MDK: variants seen among roughly 807,000 people sequenced by gnomAD.
MDK encodes amphiregulin-associated protein.
MDK carries 17 observed loss-of-function variants against 18.9 expected under a neutral mutation model. The observed-to-expected ratio is 0.90, with a 90% CI of 0.62 to 1.35. The LOEUF (loss-of-function observed/expected upper bound fraction) is 1.35, where lower values mean the gene tolerates loss of function less well. Ranked by LOEUF, MDK falls within the 40% of genes most tolerant of loss-of-function variation. MDK has a pLI of 0.00. For synonymous variants in MDK, 86 were observed against 74.3 expected (o/e 1.16, Z -0.81); for missense variants, 180 against 186.3 (o/e 0.97, Z 0.20).
upstream of MDK, chr11:46,381,074 C>T (rs916176207): frequency 2.0e-5 from 3 of 152,320 alleles, no homozygotes; most frequent in African/African-American, 7.2e-5. Flanking sequence ...GCCTGTGCTC[C>T]CGGAAAGGCA....
chr11:46,381,714 C>T lies in MDK; in HGVS notation c.-46C>T, dbSNP rs1945174684. ...AGGGGCCGCGGCGGCCGGAGCGGGA[C>T]GGGCCCGGCGCGGGAGGGAGCGAAG... On this transcript the variant is annotated 5_prime_UTR_variant, in exon 1 of 5. In the 5' UTR this introduces an upstream ATG that the reference lacks. Transcript: ENST00000395566. 1 of 169,960 alleles carries T rather than the reference C, an allele frequency of 5.9e-6. No homozygotes were observed. Among genetic ancestry groups the T allele is most frequent in the African/African-American group, 2.4e-5 (1 of 40,872 alleles). The allele number at this position is 169,960 out of a possible 1,614,324, so 10.5% of individuals were successfully genotyped here.
Position 46,382,117 on chromosome 11 carries a change from G to A in MDK, c.60G>A (p.Ala20=). The part of the protein sequence containing the change: ...TLLALLALTS[A]VAKKKDKVKK... ...TCGCCCTGCTGGCGCTCACCTCCGC[G>A]GTCGCCAAAAAGAAAGGTGATGGGG... The change falls in exon 2 of 5, where the codon GCG becomes GCA. Residue 20 remains alanine, a synonymous_variant. Transcript: ENST00000395566. 5.0e-6 allele frequency: 8 copies of A among 1,611,110 alleles called. No homozygotes were observed. Among genetic ancestry groups the A allele is most frequent in the Non-Finnish European group, 5.1e-6 (6 of 1,179,204 alleles).
At position 46,381,748 on chromosome 11, in the gene MDK, G is replaced by A. The variant is rs1251708928; in HGVS notation, c.-12G>A. On this transcript the variant is annotated 5_prime_UTR_variant, in exon 1 of 5. Transcript: ENST00000395566. ...CGCGGGAGGGAGCGAAGCAGCGCGG[G>A]CAGCGAGCGAGTGAGCGCGCGGCGG... 4.3e-6 allele frequency: 1 copy of A among 233,944 alleles called. No homozygotes were observed. Among genetic ancestry groups the A allele is most frequent in the Non-Finnish European group, 8.1e-6 (1 of 122,754 alleles). 14.5% of individuals were successfully genotyped at this position (233,944 alleles called of 1,614,324 possible).
At chr11:46,381,939 C>G (rs1945194134) in intron 1 of MDK, 118 bp from the exon 2 acceptor site, 1 of 1,128,290 alleles carries the variant, frequency 8.9e-7, no homozygotes, top group African/African-American at 1.6e-5. Flanking sequence ...CCGCCGCCAC[C>G]TTAGCAGCCC....
intron 2 of MDK, 61 bp from the exon 3 acceptor site, chr11:46,382,233 G>A (rs1405536122): frequency 1.2e-6 from 2 of 1,604,302 alleles, no homozygotes; most frequent in African/African-American, 2.7e-5. Context: ...CCCCAGGAAG[G>A]CGGCTCCCGA....
At chr11:46,382,546 C>T in intron 3 of MDK, 41 bp from the exon 4 acceptor site, 4 of 1,571,540 alleles carry the variant, frequency 2.5e-6, no homozygotes, top group Non-Finnish European at 3.5e-6. Context: ...AGGGCGGGGC[C>T]GCGGGCCGCG....
intron 1 of MDK, 57 bp from the exon 2 acceptor site, chr11:46,382,000 C>T (rs374192876): frequency 2.0e-6 from 3 of 1,527,040 alleles, no homozygotes; most frequent in Non-Finnish European, 1.8e-6. Context: ...GCCCTGCACG[C>T]GGCCCCCGGT....
intron 4 of MDK, 162 bp from the exon 5 acceptor site, chr11:46,383,307 A>C: frequency 1.7e-6 from 1 of 592,740 alleles, no homozygotes; most frequent in Admixed American, 3.2e-5. Context: ...TGTCCACATC[A>C]CAATGGCTGC....
intron 4 of MDK, chr11:46,383,141 T>C: frequency 2.4e-6 from 1 of 412,308 alleles, no homozygotes. Flanking sequence ...AGCTCACTCG[T>C]GACTCAGCCC....
chr11:46,382,624 TG>T lies in MDK; in HGVS notation c.283del (p.Asp95MetfsTer13). On this transcript the variant is annotated frameshift_variant, in exon 4 of 5. Coordinates refer to ENST00000395566, the MANE Select transcript of MDK (RefSeq NM_002391.6). LOFTEE classifies it high-confidence loss of function. ...KYKFENWGAC[D>X]GGTGTKVRQG... ...ACAAGTTTGAGAACTGGGGTGCGTG[TG>T]ATGGGGGCACAGGCACCAAAGTCCG... 1 of 1,612,584 alleles carries T rather than the reference TG, an allele frequency of 6.2e-7. No homozygotes were observed. The highest frequency in any genetic ancestry group is 8.5e-7 in the Non-Finnish European group (1 of 1,179,760).
rs755589677 is a variant in MDK, at chr11:46,383,621, C to G, written c.*127C>G. 2 of 877,352 alleles carry G rather than the reference C, an allele frequency of 2.3e-6. No individual in the cohort carries two copies. Among genetic ancestry groups the G allele is most frequent in the Non-Finnish European group, 3.8e-6 (2 of 526,276 alleles). 54.3% of individuals were successfully genotyped at this position (877,352 alleles called of 1,614,324 possible). ...TGCTCGTTAGCTTTAATCAATCATG[C>G]CCTGCCTTGTCCCTCTCACTCCCCA... is the stretch of plus-strand genomic sequence containing the variant. On this transcript the variant is annotated 3_prime_UTR_variant, in exon 5 of 5. Transcript: ENST00000395566.
Position 46,382,667 on chromosome 11 carries a change from A to G in MDK, c.325A>G (p.Lys109Glu). 2 of 1,613,042 alleles carry G rather than the reference A, an allele frequency of 1.2e-6. No homozygotes were observed. Among genetic ancestry groups the G allele is most frequent in the East Asian group, 2.2e-5 (1 of 44,818 alleles). Reference sequence around the variant, plus strand: ...CAAAGTCCGCCAAGGCACCCTGAAGAAGGCGCGCTACAATGCTCAGTGCCA... The same window carrying G: ...CAAAGTCCGCCAAGGCACCCTGAAGGAGGCGCGCTACAATGCTCAGTGCCA... ...GTKVRQGTLKKARYNAQCQET... is the reference protein window; with the variant it reads ...GTKVRQGTLKEARYNAQCQET... Residue 109 changes from lysine to glutamate, a missense_variant, in exon 4 of 5, where the codon AAG becomes GAG. By Grantham distance (56) the Lys-to-Glu change is moderately conservative. Coordinates refer to ENST00000395566, the MANE Select transcript of MDK (RefSeq NM_002391.6).
At chr11:46,383,065 G>A (rs1945270825) in intron 4 of MDK, 1 of 473,910 alleles carries the variant, frequency 2.1e-6, no homozygotes, top group Non-Finnish European at 3.9e-6. Flanking sequence ...CCAGCCACGG[G>A]CAGCATTTGG....
At position 46,382,578 on chromosome 11, in the gene MDK, T is replaced by C. The variant is rs778278101; in HGVS notation, c.245-9T>C. On this transcript the variant is annotated splice_polypyrimidine_tract_variant and intron_variant, in intron 3 of 4. Coordinates refer to ENST00000395566, the MANE Select transcript of MDK (RefSeq NM_002391.6). ...CGCGCAGCGCTGACCTGGGCCGCTC[T>C]CTCGCCAGCCGACTGCAAGTACAAG... The C allele has an allele frequency of 5.0e-6, 8 of 1,604,568 alleles. No homozygotes were observed. The East Asian group carries it at 1.1e-4, about 23-fold the overall frequency.
At position 46,382,436 on chromosome 11, in the gene MDK, C is replaced by T. The variant is rs772939800; in HGVS notation, c.219C>T (p.Pro73=). 13 of 1,527,748 alleles carry T rather than the reference C, an allele frequency of 8.5e-6. 1 individual carries two copies. In the Admixed American group the frequency reaches 1.3e-4, roughly 15 times the overall value. 94.6% of individuals were successfully genotyped at this position (1,527,748 alleles called of 1,614,324 possible). The change falls in exon 3 of 5, where the codon CCC becomes CCT. Residue 73 remains proline, a synonymous_variant. Coordinates refer to ENST00000395566, the MANE Select transcript of MDK (RefSeq NM_002391.6). ...AQTQRIRCRV[P]CNWKKEFGAD... is the part of the protein sequence containing the mutation. ...CCCAGCGCATCCGGTGCAGGGTGCC[C>T]TGCAACTGGAAGAAGGAGTTTGGAG...
chr11:46,381,013 A>C (rs1945147013), upstream of MDK: 1 of 152,242 alleles, frequency 6.6e-6, no homozygotes, highest in Non-Finnish European at 1.5e-5. Flanking sequence ...AGTTTCACCA[A>C]ATCCAGGCCT....
chr11:46,383,268 A>C (rs569837395), intron 4 of MDK: 1 of 529,990 alleles, frequency 1.9e-6, no homozygotes, highest in Admixed American at 3.6e-5. Flanking sequence ...TCTGATCCCA[A>C]GTGGAAATAG....
Position 46,382,284 on chromosome 11 carries a change from C to A in MDK, c.77-10C>A, listed in dbSNP as rs776856042. 3.1e-6 allele frequency: 5 copies of A among 1,606,644 alleles called. No homozygotes were observed. Among genetic ancestry groups the A allele is most frequent in the Non-Finnish European group, 3.4e-6 (4 of 1,177,420 alleles). On this transcript the variant is annotated splice_polypyrimidine_tract_variant and intron_variant, in intron 2 of 4. Coordinates refer to ENST00000395566, the MANE Select transcript of MDK (RefSeq NM_002391.6). ...CCCCAGTCCTGAACTCTGTTCCTCGCGCGTTGTAGATAAGGTGAAGAAGGG... is the reference window on the plus strand; with the variant it reads ...CCCCAGTCCTGAACTCTGTTCCTCGAGCGTTGTAGATAAGGTGAAGAAGGG...
At chr11:46,382,787 G>GGGGGGGGGGGGGGGGGC in intron 4 of MDK, 39 bp downstream of exon 4, 2 of 1,498,510 alleles carry the variant, frequency 1.3e-6, no homozygotes, top group Non-Finnish European at 8.9e-7. Context: ...GTCGCGGGGG[G>GGGGGGGGGGGGGGGGGC]CTGCCCCCCC....
Sources: allele counts gnomAD v4.1 joint callset, GRCh38; gene constraint gnomAD v4.1.1; transcripts MANE v1.5; gene names NCBI Gene and HGNC (gene_info 2026-07-23, HGNC 2026-07-21).